DPP8: variants seen among roughly 807,000 people sequenced by gnomAD.
DPP8 encodes dipeptidyl peptidase 8, also known as DPP VIII.
In DPP8, 31 loss-of-function variants were observed where a neutral mutation model predicts 107.5. That is an observed-to-expected ratio of 0.29 (90% confidence interval 0.22 to 0.39). The LOEUF (loss-of-function observed/expected upper bound fraction) is 0.39. Among genes scored for constraint, DPP8 ranks in the 10% least tolerant of loss-of-function variants. DPP8 has a pLI of 1.00. For missense variants in DPP8, 842 were observed against 1,076.1 expected (o/e 0.78, Z 3.04); for synonymous variants, 381 against 356.6 (o/e 1.07, Z -0.77).
chr15:65,477,630 C>T (rs186814255), intron 11 of DPP8, among the ~76,000 whole-genome samples: 29 of 150,118 alleles, frequency 1.9e-4, no homozygotes, highest in African/African-American at 6.4e-4. Flanking sequence ...CCCGGGTTCA[C>T]GCCACTCTCC....
At chr15:65,495,074 T>C (rs1267207057) in intron 5 of DPP8, among the ~76,000 whole-genome samples, 2 of 152,202 alleles carry the variant, frequency 1.3e-5, no homozygotes, top group African/African-American at 4.8e-5. Flanking sequence ...ACCCTTGTCC[T>C]GGCCCTTATC....
At chr15:65,447,950 T>C (rs1013279907) in intron 19 of DPP8, among the ~76,000 whole-genome samples, 1 of 152,334 alleles carries the variant, frequency 6.6e-6, no homozygotes, top group African/African-American at 2.4e-5. Context: ...GAGTCAATAT[T>C]TGAAAGACTG....
intron 12 of DPP8, among the ~76,000 whole-genome samples, chr15:65,467,588 A>G (rs2065475488): frequency 6.6e-6 from 1 of 152,114 alleles, no homozygotes; most frequent in African/African-American, 2.4e-5. Flanking sequence ...ATGTTGCCCA[A>G]GCTGGTCTTA....
At chr15:65,495,727 C>T (rs573620995) in intron 5 of DPP8, among the ~76,000 whole-genome samples, 2 of 151,904 alleles carry the variant, frequency 1.3e-5, no homozygotes, top group South Asian at 2.1e-4. Flanking sequence ...GGTGAAACCC[C>T]GTCTCTACTA....
At chr15:65,465,453 C>T (rs549171507) in intron 14 of DPP8, among the ~76,000 whole-genome samples, 15 of 152,168 alleles carry the variant, frequency 9.9e-5, no homozygotes, top group African/African-American at 3.6e-4. Flanking sequence ...CAGGCATGAG[C>T]CACTACGCCT....
At chr15:65,475,818 G>A (rs944699325) in intron 11 of DPP8, among the ~76,000 whole-genome samples, 2 of 152,134 alleles carry the variant, frequency 1.3e-5, no homozygotes, top group Admixed American at 6.5e-5. Flanking sequence ...CACCATCACA[G>A]CTCACTGCAG....
chr15:65,490,101 C>G, intron 6 of DPP8, 88 bp downstream of exon 6: 1 of 603,368 alleles, frequency 1.7e-6, no homozygotes, highest in Non-Finnish European at 2.8e-6. Flanking sequence ...AATCTATTAT[C>G]CAAGATTTAG....
intron 1 of DPP8, among the ~76,000 whole-genome samples, chr15:65,513,954 C>T (rs752709704): frequency 6.6e-6 from 1 of 152,298 alleles, no homozygotes; most frequent in East Asian, 1.9e-4. Flanking sequence ...GACATGTGGA[C>T]TTGGGAGATA....
At chr15:65,493,930 A>T (rs2068296286) in intron 5 of DPP8, among the ~76,000 whole-genome samples, 1 of 151,950 alleles carries the variant, frequency 6.6e-6, no homozygotes, top group African/African-American at 2.4e-5. Context: ...CCTACTTTCT[A>T]TCTAAGCACA....
At chr15:65,472,633 C>G (rs540891609) in intron 12 of DPP8, among the ~76,000 whole-genome samples, 1 of 152,204 alleles carries the variant, frequency 6.6e-6, no homozygotes, top group Admixed American at 6.5e-5. Flanking sequence ...CACAAGTAGT[C>G]TATAATAGAT....
intron 11 of DPP8, among the ~76,000 whole-genome samples, chr15:65,476,710 G>C (rs754994207): frequency 6.6e-6 from 1 of 152,142 alleles, no homozygotes. Flanking sequence ...CAAAAGAATT[G>C]AAAGCAGGGA....
At chr15:65,507,656 T>TA (rs746039694) in intron 2 of DPP8, among the ~76,000 whole-genome samples, 1,978 of 105,106 alleles carry the variant, frequency 0.019, 21 homozygotes, top group African/African-American at 0.027. Flanking sequence ...GATCCCAACT[T>TA]AAAAAAAAAA....
chr15:65,485,782 AC>A (rs1280317372), intron 7 of DPP8, among the ~76,000 whole-genome samples: 1 of 151,588 alleles, frequency 6.6e-6, no homozygotes, highest in Non-Finnish European at 1.5e-5. Context: ...ACATGGTAAA[AC>A]CCCATATCTA....
At chr15:65,457,230 T>C (rs2064506686) in intron 15 of DPP8, among the ~76,000 whole-genome samples, 1 of 152,088 alleles carries the variant, frequency 6.6e-6, no homozygotes, top group South Asian at 2.1e-4. Context: ...GGGGAGTGCC[T>C]GTGATCCCAG....
chr15:65,479,872 AAAAG>A (rs2066751458), intron 10 of DPP8, among the ~76,000 whole-genome samples: 12 of 150,398 alleles, frequency 8.0e-5, no homozygotes, highest in African/African-American at 3.0e-4. Flanking sequence ...AAAAAAAAAA[AAAAG>A]AATTGGTATA....
chr15:65,505,623 A>G (rs770523769), intron 3 of DPP8, among the ~76,000 whole-genome samples: 1 of 152,178 alleles, frequency 6.6e-6, no homozygotes, highest in Non-Finnish European at 1.5e-5. Context: ...GCCTATGTAA[A>G]GGGCAATGTT....
intron 19 of DPP8, 109 bp downstream of exon 19, chr15:65,450,890 C>A: frequency 1.5e-6 from 1 of 677,824 alleles, no homozygotes; most frequent in Non-Finnish European, 2.6e-6. Context: ...TTCTCTTAAG[C>A]AGAGGGTGGA....
At chr15:65,473,325 C>CAAAAAAAAAAAAAA (rs574732255) in intron 12 of DPP8, among the ~76,000 whole-genome samples, 1 of 94,794 alleles carries the variant, frequency 1.1e-5, no homozygotes. Context: ...ACTCCATCTC[C>CAAAAAAAAAAAAAA]AAAAAAAAAA....
At chr15:65,497,176 C>T (rs965570219) in intron 5 of DPP8, among the ~76,000 whole-genome samples, 3 of 152,182 alleles carry the variant, frequency 2.0e-5, no homozygotes, top group Admixed American at 2.0e-4. Flanking sequence ...CAGGCATGAG[C>T]CACCACGCCC....
Sources: allele counts gnomAD v4.1 joint callset (sites outside exome capture counted in the v4.1 genomes callset), GRCh38; gene constraint gnomAD v4.1.1; transcripts MANE v1.5; gene names NCBI Gene and HGNC (gene_info 2026-07-23, HGNC 2026-07-21).